Variants in OPN4 observed in about 807,000 individuals in gnomAD.
OPN4 encodes the protein melanopsin.
Under a neutral mutation model 49.5 loss-of-function variants are expected in OPN4, and 43 were observed. The ratio of observed to expected loss-of-function variants is 0.87; its 90% CI spans 0.68 to 1.12. The LOEUF is 1.12. Among genes scored for constraint, OPN4 ranks in the 50% most tolerant of loss-of-function variants. The probability of loss-of-function intolerance (pLI) is 0.00; values close to 1 mark genes in which losing one functional copy is unlikely to be tolerated. For missense variants in OPN4, 657 were observed against 643.9 expected (o/e 1.02, Z -0.22); for synonymous variants, 263 against 258.0 (o/e 1.02, Z -0.19).
chr10:86,657,205 C>A (rs370346417), intron 2 of OPN4: 2 of 780,756 alleles, frequency 2.6e-6, no homozygotes, highest in Non-Finnish European at 4.8e-6. Flanking sequence ...AGCTGTGCTT[C>A]GTGGAGTCAC....
chr10:86,660,108 G>A (rs768385137), intron 6 of OPN4, 49 bp downstream of exon 6: 23 of 1,597,254 alleles, frequency 1.4e-5, no homozygotes, highest in East Asian at 2.2e-5. Context: ...TGTGGGGGCA[G>A]GAGCAAGAAG....
intron 6 of OPN4, 111 bp from the exon 7 acceptor site, chr10:86,661,170 C>A: frequency 1.2e-6 from 1 of 835,144 alleles, no homozygotes; most frequent in Non-Finnish European, 2.0e-6. Flanking sequence ...GCTGACTTAG[C>A]TGTGCTGGTT....
intron 7 of OPN4, 26 bp from the exon 8 acceptor site, chr10:86,662,226 C>G: frequency 6.2e-7 from 1 of 1,601,894 alleles, no homozygotes; most frequent in Non-Finnish European, 8.5e-7. Context: ...ATCCCCTGGC[C>G]CTAATCAGAT....
rs767336218 is a variant in OPN4, at chr10:86,658,637, G to A, written c.578G>A (p.Gly193Asp). ...SKRRAAFVLLGVWLYALAWSL... is the reference protein window; with the variant it reads ...SKRRAAFVLLDVWLYALAWSL... The stretch of plus-strand genomic sequence containing the variant: ...AGGCGTGCGGCATTTGTCCTGCTGG[G>A]CGTTTGGCTCTATGCCCTGGCCTGG... The change falls in exon 4 of 10, where the codon GGC becomes GAC. Residue 193 changes from glycine (G) to aspartate (D), a missense_variant. By Grantham distance (94) the Gly-to-Asp change is moderately conservative. Coordinates refer to ENST00000241891, the MANE Select transcript of OPN4 (RefSeq NM_033282.4). The A allele has an allele frequency of 2.3e-5, 37 of 1,613,918 alleles. No homozygotes were observed. Among genetic ancestry groups the A allele is most frequent in the Non-Finnish European group, 3.1e-5 (36 of 1,180,052 alleles).
Position 86,661,331 on chromosome 10 carries a change from CCAAGGCCTCTG to C in OPN4, c.1020_1030del (p.Lys340AsnfsTer74). ...ATGAGCTCGGTGCCAGCCGTCATCG[CCAAGGCCTCTG>C]CAATCCACAACCCCATCATTTACGC... On this transcript the variant is annotated frameshift_variant, in exon 7 of 10. Transcript: ENST00000241891. LOFTEE classifies it high-confidence loss of function. The C allele has an allele frequency of 6.2e-7, 1 of 1,614,118 alleles. No homozygotes were observed.
At position 86,662,399 on chromosome 10, in the gene OPN4, G is replaced by T. The variant is rs1424392451; in HGVS notation, c.1221G>T (p.Arg407Ser). 2.6e-6 allele frequency: 4 copies of T among 1,561,546 alleles called. No homozygotes were observed. In the Admixed American group the frequency reaches 7.6e-5, roughly 30 times the overall value. ...TSNLSWISIR[R>S]RQESLGSESE... ...ACCTCAGCTGGATCTCCATACGGAG[G>T]CGCCAGGAGTCCCTGGGCTCGGAGA... Residue 407 changes from arginine (R) to serine (S), a missense_variant, in exon 8 of 10, where the codon AGG (arginine) becomes AGT (serine). Arg to Ser is a moderately radical substitution (Grantham distance 110). Coordinates refer to ENST00000241891, the MANE Select transcript of OPN4 (RefSeq NM_033282.4).
chr10:86,654,982 C>T, intron 1 of OPN4, 55 bp downstream of exon 1: 1 of 1,548,742 alleles, frequency 6.5e-7, no homozygotes, highest in Non-Finnish European at 8.8e-7. Context: ...CCTTCCTGGT[C>T]CCCTCCTGGC....
intron 2 of OPN4, among the ~76,000 whole-genome samples, chr10:86,656,920 G>A (rs1284554709): frequency 6.9e-6 from 1 of 145,386 alleles, no homozygotes; most frequent in Non-Finnish European, 1.5e-5. Flanking sequence ...ACTCTAGCCT[G>A]GGCAACAGAA....
At chr10:86,665,525 G>A (rs559567305) in intron 9 of OPN4, among the ~76,000 whole-genome samples, 188 bp from the exon 10 acceptor site, 32 of 152,152 alleles carry the variant, frequency 2.1e-4, no homozygotes, top group African/African-American at 6.7e-4. Context: ...TGTAGGCAGC[G>A]TTAGGCGTTA....
At position 86,659,386 on chromosome 10, in the gene OPN4, T is replaced by G. The variant is rs1405352586; in HGVS notation, c.718T>G (p.Cys240Gly). The G allele has an allele frequency of 6.2e-7, 1 of 1,614,070 alleles. No homozygotes were observed. Among genetic ancestry groups the G allele is most frequent in the Middle Eastern group, 1.6e-4 (1 of 6,062 alleles). Residue 240 changes from cysteine (C) to glycine (G), a missense_variant, in exon 5 of 10, where the codon TGC (cysteine) becomes GGC (glycine). Cys to Gly is a radical substitution (Grantham distance 159). Transcript: ENST00000241891. The stretch of plus-strand genomic sequence containing the variant: ...CGTGCGTGCCTACACCATGCTTCTC[T>G]GCTGCTTCGTGTTCTTCCTCCCTCT... ...PAVRAYTMLL[C>G]CFVFFLPLLI...
chr10:86,661,155 A>T lies in OPN4; in HGVS notation c.966-126A>T, dbSNP rs1427307623. 6.7e-6 allele frequency: 5 copies of T among 743,386 alleles called. No individual in the cohort carries two copies. In the East Asian group the frequency reaches 1.3e-4, roughly 20 times the overall value. The allele number at this position is 743,386 out of a possible 1,614,324, so 46.0% of individuals were successfully genotyped here. On this transcript the variant is annotated intron_variant, in intron 6 of 9. Transcript: ENST00000241891. ...ATCCTGGCACTGCCAATTCCTCCCT[A>T]TGGGGCTGACTTAGCTGTGCTGGTT...
rs144200344 is a variant in OPN4 at position 86,658,605 on chromosome 10, G to A, written c.546G>A (p.Ala182=). 8.5e-5 allele frequency: 138 copies of A among 1,614,162 alleles called. No homozygotes were observed. The Middle Eastern group carries it at 2.5e-3, about 29-fold the overall frequency. The change falls in exon 4 of 10, where the codon GCG becomes GCA. Residue 182 remains alanine (A), a synonymous_variant. Coordinates refer to ENST00000241891, the MANE Select transcript of OPN4 (RefSeq NM_033282.4). ...ITRPLATFGV[A]SKRRAAFVLL... ...GCCCGCTGGCCACCTTTGGTGTGGCGTCCAAGAGGCGTGCGGCATTTGTCC... is the reference window on the plus strand; with the variant it reads ...GCCCGCTGGCCACCTTTGGTGTGGCATCCAAGAGGCGTGCGGCATTTGTCC...
In OPN4 at chr10:86,656,614, G is replaced by A. The variant is rs577335489; in HGVS notation, c.290+314G>A. Among the ~76,000 whole-genome samples, 34 of 152,140 alleles carry A rather than the reference G, an allele frequency of 2.2e-4. 1 individual carries two copies. The highest frequency in any genetic ancestry group is 6.0e-4 in the African/African-American group (25 of 41,510). On this transcript the variant is annotated intron_variant, in intron 2 of 9. Coordinates refer to ENST00000241891, the MANE Select transcript of OPN4 (RefSeq NM_033282.4). ...TGCCCTGCTCTCAGCGCACCTCTCC[G>A]TCACCTGCCCCAGAGAGCATCCTCC...
chr10:86,658,027 C>T lies in OPN4; in HGVS notation c.291-5C>T. The T allele has an allele frequency of 6.2e-7, 1 of 1,611,976 alleles. No homozygotes were observed. The highest frequency in any genetic ancestry group is 8.5e-7 in the Non-Finnish European group (1 of 1,179,734). ...GCGCCTCCTAACAGCTTCTGATCCT[C>T]CCAGGAGCAGAAGCCTCCGGACACC... On this transcript the variant is annotated splice_polypyrimidine_tract_variant and splice_region_variant and intron_variant, in intron 2 of 9. Coordinates refer to ENST00000241891, the MANE Select transcript of OPN4 (RefSeq NM_033282.4).
chr10:86,664,195 G>A (rs1256224631), intron 9 of OPN4, among the ~76,000 whole-genome samples: 1 of 152,198 alleles, frequency 6.6e-6, no homozygotes, highest in Non-Finnish European at 1.5e-5. Flanking sequence ...TGTAGCACCT[G>A]GCACATGCTC....
rs770979778 is a variant in OPN4 at position 86,658,552 on chromosome 10, G to A, written c.493G>A (p.Ala165Thr). 20 of 1,614,070 alleles carry A rather than the reference G, an allele frequency of 1.2e-5. No individual in the cohort carries two copies. Among genetic ancestry groups the A allele is most frequent in the Admixed American group, 6.7e-5 (4 of 60,010 alleles). ...ISSMITLTAI[A>T]LDRYLVITRP... ...CTCCATGATCACCCTGACGGCCATC[G>A]CCCTGGACCGCTACCTGGTAATCAC... The change falls in exon 4 of 10, where the codon GCC becomes ACC. Residue 165 changes from alanine to threonine, a missense_variant. Ala to Thr is a moderately conservative substitution (Grantham distance 58). Transcript: ENST00000241891.
intron 3 of OPN4, 41 bp downstream of exon 3, chr10:86,658,206 G>A (rs1469177326): frequency 1.6e-5 from 25 of 1,606,106 alleles, no homozygotes; most frequent in Middle Eastern, 1.7e-4. Context: ...GAGGAGGAGG[G>A]TTTTGACCTG....
intron 2 of OPN4, among the ~76,000 whole-genome samples, 189 bp from the exon 3 acceptor site, chr10:86,657,843 G>C (rs1015610899): frequency 2.6e-5 from 4 of 152,170 alleles, no homozygotes; most frequent in Non-Finnish European, 5.9e-5. Flanking sequence ...ACAGCTGCTT[G>C]GCTGGTCCCT....
Position 86,654,790 on chromosome 10 carries a change from C to T in OPN4, c.7C>T (p.Pro3Ser). The T allele has an allele frequency of 6.2e-7, 1 of 1,611,772 alleles. No individual in the cohort carries two copies. Among genetic ancestry groups the T allele is most frequent in the Non-Finnish European group, 8.5e-7 (1 of 1,178,322 alleles). ...AGGACCATCCCAACTCAGGATGAAC[C>T]CTCCTTCGGGGCCAAGAGTCCCGCC... MN[P>S]PSGPRVPPSP... Residue 3 changes from proline to serine, a missense_variant, in exon 1 of 10, where the codon CCT (proline) becomes TCT (serine). Pro to Ser is a moderately conservative substitution (Grantham distance 74). Coordinates refer to ENST00000241891, the MANE Select transcript of OPN4 (RefSeq NM_033282.4).
Sources: allele counts gnomAD v4.1 joint callset (sites outside exome capture counted in the v4.1 genomes callset), GRCh38; gene constraint gnomAD v4.1.1; transcripts MANE v1.5; gene names NCBI Gene and HGNC (gene_info 2026-07-23, HGNC 2026-07-21).